FGGY: variants seen among roughly 807,000 people sequenced by gnomAD.
The protein encoded by FGGY is FGGY carbohydrate kinase domain-containing protein.
In FGGY, 72 loss-of-function variants were observed where a neutral mutation model predicts 71.3. That is an observed-to-expected ratio of 1.01 (90% CI 0.84 to 1.23). The LOEUF (loss-of-function observed/expected upper bound fraction) is 1.23, where lower values mean the gene tolerates loss of function less well. Among genes scored for constraint, FGGY ranks in the 50% most tolerant of loss-of-function variants. The probability of loss-of-function intolerance (pLI) is 0.00; values close to 1 mark genes in which losing one functional copy is unlikely to be tolerated. For missense variants in FGGY, 668 were observed against 682.3 expected, an observed-to-expected ratio of 0.98 and a Z score of 0.23; for synonymous variants, 251 against 250.3, an observed-to-expected ratio of 1.00 and a Z score of -0.02.
At chr1:59,583,673 C>T (rs2096233668) in intron 8 of FGGY, among the ~76,000 whole-genome samples, 1 of 142,436 alleles carries the variant, frequency 7.0e-6, no homozygotes, top group Non-Finnish European at 1.5e-5. Flanking sequence ...ACAACATTCA[C>T]ACACCCCTCC....
chr1:59,334,055 A>T (rs534098330), intron 2 of FGGY, among the ~76,000 whole-genome samples: 1 of 152,248 alleles, frequency 6.6e-6, no homozygotes, highest in South Asian at 2.1e-4. Context: ...TGGCTCTGCA[A>T]TCTACTGGCT....
intron 11 of FGGY, among the ~76,000 whole-genome samples, chr1:59,653,727 C>A (rs2097191803): frequency 6.6e-6 from 1 of 152,238 alleles, no homozygotes; most frequent in African/African-American, 2.4e-5. Flanking sequence ...GTTGCTCACG[C>A]TGGGAGCTGT....
intron 5 of FGGY, among the ~76,000 whole-genome samples, chr1:59,429,710 A>G (rs1264986415): frequency 1.3e-5 from 2 of 152,168 alleles, no homozygotes; most frequent in African/African-American, 2.4e-5. Flanking sequence ...ATACACACAC[A>G]CAGACACACG....
At chr1:59,375,026 T>G in intron 4 of FGGY, among the ~76,000 whole-genome samples, 1 of 151,084 alleles carries the variant, frequency 6.6e-6, no homozygotes, top group East Asian at 1.9e-4. Flanking sequence ...GTAACTAACC[T>G]GCACATTGTG....
At chr1:59,617,610 C>T (rs553064806) in intron 9 of FGGY, among the ~76,000 whole-genome samples, 101 of 152,152 alleles carry the variant, frequency 6.6e-4, no homozygotes, top group Non-Finnish European at 1.1e-3. Context: ...TGCTTTTTCC[C>T]CAGACTTTGT....
At chr1:59,375,712 G>A (rs1425291562) in intron 4 of FGGY, among the ~76,000 whole-genome samples, 1 of 151,980 alleles carries the variant, frequency 6.6e-6, no homozygotes, top group Non-Finnish European at 1.5e-5. Flanking sequence ...AAGAACGCAG[G>A]GACTCCTTGC....
chr1:59,458,798 G>A lies in FGGY; in HGVS notation c.670+1722G>A, dbSNP rs555052251. On this transcript the variant is annotated intron_variant, in intron 6 of 15. Transcript: ENST00000303721. Reference sequence around the variant, plus strand: ...TTGTGTGATGTTTCCTTTGATTTTCGCTTCTGGACACTTGAGCTTGTAGTT... The same window carrying A: ...TTGTGTGATGTTTCCTTTGATTTTCACTTCTGGACACTTGAGCTTGTAGTT... 3.9e-5 allele frequency among the ~76,000 whole-genome samples: 6 copies of A among 152,200 alleles called. No individual in the cohort carries two copies. The South Asian group carries it at 6.2e-4, about 16-fold the overall frequency.
intron 4 of FGGY, among the ~76,000 whole-genome samples, chr1:59,370,420 C>G (rs2057392404): frequency 2.0e-5 from 3 of 152,332 alleles, no homozygotes; most frequent in African/African-American, 7.2e-5. Context: ...AAGACCAAAT[C>G]TACGTCTGAT....
intron 8 of FGGY, among the ~76,000 whole-genome samples, chr1:59,581,666 G>C (rs1340948141): frequency 6.7e-6 from 1 of 149,848 alleles, no homozygotes; most frequent in Non-Finnish European, 1.5e-5. Flanking sequence ...GTGGACATTT[G>C]TTGAATAACT....
At chr1:59,591,242 G>C (rs895331193) in intron 8 of FGGY, among the ~76,000 whole-genome samples, 2 of 152,072 alleles carry the variant, frequency 1.3e-5, no homozygotes, top group African/African-American at 4.8e-5. Context: ...GGGATGTGAA[G>C]GACCTCATCA....
intron 5 of FGGY, among the ~76,000 whole-genome samples, chr1:59,452,750 GC>G (rs1298091208): frequency 6.6e-6 from 1 of 152,182 alleles, no homozygotes; most frequent in Non-Finnish European, 1.5e-5. Flanking sequence ...ACAGCAAGTG[GC>G]CCCTTCTTTC....
chr1:59,658,570 A>G (rs2153954920), intron 11 of FGGY, among the ~76,000 whole-genome samples: 1 of 152,342 alleles, frequency 6.6e-6, no homozygotes, highest in East Asian at 1.9e-4. Context: ...GAGGAGGGAC[A>G]AGAGTAAACA....
At chr1:59,474,343 A>G (rs548466370) in intron 6 of FGGY, 1 of 152,350 alleles carries the variant, frequency 6.6e-6, no homozygotes, top group African/African-American at 2.4e-5. Context: ...GTCAGAGCTG[A>G]AAGGGATCAT....
rs141196815 is a variant in FGGY, at chr1:59,691,544, C to T, written c.1512+17411C>T. Among the ~76,000 whole-genome samples, 73 of 152,174 alleles carry T rather than the reference C, an allele frequency of 4.8e-4. 1 individual carries two copies. Among genetic ancestry groups the T allele is most frequent in the African/African-American group, 1.3e-3 (56 of 41,508 alleles). On this transcript the variant is annotated intron_variant, in intron 14 of 15. Coordinates refer to ENST00000303721, the MANE Select transcript of FGGY (RefSeq NM_018291.5). ...TTCCGTCTGGGGATCTGACCTCTTG[C>T]TTCACTAGCAGAGGGGATCAGACTG...
chr1:59,320,705 G>A (rs371835263), intron 1 of FGGY, among the ~76,000 whole-genome samples: 5 of 152,160 alleles, frequency 3.3e-5, no homozygotes, highest in African/African-American at 1.2e-4. Context: ...CCAATTCCCA[G>A]TCACTTCATG....
intron 14 of FGGY, among the ~76,000 whole-genome samples, chr1:59,737,338 G>C (rs567779293): frequency 3.9e-5 from 6 of 152,328 alleles, no homozygotes; most frequent in Non-Finnish European, 8.8e-5. Context: ...CTGACCTCCA[G>C]ACCCCAGAAT....
At chr1:59,661,644 A>G (rs139489066) in intron 12 of FGGY, among the ~76,000 whole-genome samples, 182 of 152,298 alleles carry the variant, frequency 1.2e-3, no homozygotes, top group African/African-American at 4.2e-3. Context: ...GTCCTGTTTT[A>G]TAATAATAAT....
chr1:59,378,998 C>G (rs1311370779), intron 5 of FGGY, among the ~76,000 whole-genome samples, 161 bp downstream of exon 5: 1 of 152,148 alleles, frequency 6.6e-6, no homozygotes, highest in Non-Finnish European at 1.5e-5. Context: ...ACCTCCACTG[C>G]ACATGCCCAA....
rs1263663597 is a variant in FGGY at position 59,364,107 on chromosome 1, G to C, written c.466-14642G>C. 3.9e-5 allele frequency among the ~76,000 whole-genome samples: 6 copies of C among 152,192 alleles called. No individual in the cohort carries two copies. In the East Asian group the frequency reaches 1.2e-3, roughly 29 times the overall value. On this transcript the variant is annotated intron_variant, in intron 4 of 15. Transcript: ENST00000303721. The stretch of plus-strand genomic sequence containing the variant: ...TGGGAAGAAAGAAGAAGGGACATCT[G>C]TGTGAGCCAGCTTGGAACAGATGCC...
Sources: allele counts gnomAD v4.1 joint callset (sites outside exome capture counted in the v4.1 genomes callset), GRCh38; gene constraint gnomAD v4.1.1; transcripts MANE v1.5; gene names NCBI Gene and HGNC (gene_info 2026-07-23, HGNC 2026-07-21).